The following PDZD2 variants were observed in gnomAD, a reference collection of about 807,000 sequenced individuals.
PDZD2 encodes the protein PDZ domain-containing protein 2.
A neutral mutation model predicts 220.7 loss-of-function variants in PDZD2; 90 were observed. The observed-to-expected ratio is 0.41, with a 90% confidence interval of 0.34 to 0.49. The LOEUF is 0.49. Ranked by LOEUF, PDZD2 falls within the 20% of genes least tolerant of loss-of-function variation. The pLI is 0.28. For missense variants in PDZD2, 3,174 were observed against 3,608.5 expected, an observed-to-expected ratio of 0.88 and a Z score of 3.08; for synonymous variants, 1,375 against 1,450.5, an observed-to-expected ratio of 0.95 and a Z score of 1.18.
rs1738224148 is a variant in PDZD2, at chr5:32,048,709, T to C, written c.1665+25T>C. Reference sequence around the variant, plus strand: ...GGTCCGACCAGGGCTGTGGATCTTTTCAAAGACCATAAGGGCTTACATGTT... The same window carrying C: ...GGTCCGACCAGGGCTGTGGATCTTTCCAAAGACCATAAGGGCTTACATGTT... On this transcript the variant is annotated intron_variant, in intron 8 of 24. Coordinates refer to ENST00000438447, the MANE Select transcript of PDZD2 (RefSeq NM_178140.4). The C allele has an allele frequency of 1.9e-6, 3 of 1,612,524 alleles. No individual in the cohort carries two copies. The South Asian group carries it at 3.3e-5, about 18-fold the overall frequency.
At chr5:31,725,774 C>T (rs1421220493) in intron 1 of PDZD2, 8 of 960,168 alleles carry the variant, frequency 8.3e-6, no homozygotes, top group Admixed American at 5.4e-5. Flanking sequence ...GGACTTGGAC[C>T]GTGATCTTGA....
rs537087681 is a variant in PDZD2, at chr5:31,791,357, G to A, written c.-360-7532G>A. Among the ~76,000 whole-genome samples, 24 of 152,008 alleles carry A rather than the reference G, an allele frequency of 1.6e-4. No homozygotes were observed. The South Asian group carries it at 3.5e-3, about 22-fold the overall frequency. On this transcript the variant is annotated intron_variant, in intron 1 of 24. Coordinates refer to ENST00000438447, the MANE Select transcript of PDZD2 (RefSeq NM_178140.4). ...TGTAATCCCAGCACTTTGGGAGGCC[G>A]ACGCGGGCAGATCACCTGAGGTCAG...
chr5:31,644,750 G>T (rs922594128), intron 1 of PDZD2, among the ~76,000 whole-genome samples: 4 of 152,092 alleles, frequency 2.6e-5, no homozygotes, highest in African/African-American at 9.7e-5. Flanking sequence ...AATAATGAGT[G>T]GTCTATGAAC....
intron 1 of PDZD2, among the ~76,000 whole-genome samples, chr5:31,658,055 C>G (rs762457026): frequency 6.6e-6 from 1 of 152,228 alleles, no homozygotes; most frequent in Non-Finnish European, 1.5e-5. Flanking sequence ...CCCCTATGTG[C>G]TAGCTGCTAA....
chr5:31,892,015 A>G (rs1399817587), intron 2 of PDZD2, among the ~76,000 whole-genome samples: 2 of 151,984 alleles, frequency 1.3e-5, no homozygotes, highest in African/African-American at 4.8e-5. Context: ...GGCTCTGACA[A>G]TCCTTCTGCC....
chr5:31,951,179 A>G (rs1223539454), intron 2 of PDZD2, among the ~76,000 whole-genome samples: 1 of 151,900 alleles, frequency 6.6e-6, no homozygotes, highest in Non-Finnish European at 1.5e-5. Context: ...TGATCCTCCC[A>G]CCCACAGCCT....
chr5:31,886,400 T>C (rs1740476589), intron 2 of PDZD2, among the ~76,000 whole-genome samples: 1 of 152,072 alleles, frequency 6.6e-6, no homozygotes, highest in East Asian at 1.9e-4. Context: ...CACTCCTTCT[T>C]CCTCCCAGCT....
At chr5:31,723,544 A>G (rs1483867065) in intron 1 of PDZD2, among the ~76,000 whole-genome samples, 2 of 152,122 alleles carry the variant, frequency 1.3e-5, no homozygotes, top group Admixed American at 1.3e-4. Context: ...ATTATTTTAA[A>G]TTTCATAGCA....
intron 2 of PDZD2, among the ~76,000 whole-genome samples, chr5:31,897,525 C>T (rs952147891): frequency 1.3e-5 from 2 of 152,190 alleles, no homozygotes; most frequent in Non-Finnish European, 2.9e-5. Context: ...CTTGAGATCC[C>T]AGTTGTCACT....
At chr5:31,922,166 A>T (rs34955361) in intron 2 of PDZD2, among the ~76,000 whole-genome samples, 27,090 of 152,138 alleles carry the variant, frequency 0.18, 2,450 homozygotes, top group Non-Finnish European at 0.19. Flanking sequence ...TCCATATATG[A>T]CCCAACTTCC....
chr5:31,839,745 G>A (rs764303653), intron 2 of PDZD2, among the ~76,000 whole-genome samples: 6 of 152,134 alleles, frequency 3.9e-5, no homozygotes, highest in Non-Finnish European at 5.9e-5. Flanking sequence ...ATCCCCATGC[G>A]GAGTGGGAGG....
Position 32,069,623 on chromosome 5 carries a change from A to G in PDZD2, c.2506A>G (p.Lys836Glu). Reference sequence around the variant, plus strand: ...AGCACGCAGCACTTATCAGGAGAGCAAAGAGGCCAATTCCTCTCCTGGCTT... The same window carrying G: ...AGCACGCAGCACTTATCAGGAGAGCGAAGAGGCCAATTCCTCTCCTGGCTT... ...VIARSTYQES[K>E]EANSSPGLGT... is the part of the protein sequence containing the mutation. The change falls in exon 15 of 25, where the codon AAA becomes GAA. Residue 836 changes from lysine to glutamate, a missense_variant. This residue lies in a region of PDZD2 where 1,861 missense variants were observed against 2,001.0 expected (regional missense o/e 0.93). Transcript: ENST00000438447. 6.3e-7 allele frequency: 1 copy of G among 1,580,716 alleles called. No homozygotes were observed. The highest frequency in any genetic ancestry group is 8.7e-7 in the Non-Finnish European group (1 of 1,149,468).
chr5:32,053,987 G>A (rs1382644783), intron 10 of PDZD2, 104 bp downstream of exon 10: 4 of 680,094 alleles, frequency 5.9e-6, no homozygotes, highest in Non-Finnish European at 5.4e-6. Context: ...AGTAGACCTC[G>A]GCGGAATCTG....
At chr5:31,832,622 T>C (rs13356755) in intron 2 of PDZD2, 62,313 of 152,022 alleles carry the variant, frequency 0.41, 13,479 homozygotes, top group African/African-American at 0.56. Flanking sequence ...TTGAGACCAG[T>C]CTGGCCAACA....
intron 1 of PDZD2, among the ~76,000 whole-genome samples, chr5:31,643,298 G>A (rs998845239): frequency 6.6e-6 from 1 of 152,184 alleles, no homozygotes; most frequent in African/African-American, 2.4e-5. Context: ...ACTACTCTGA[G>A]CAGTTGGGTC....
At chr5:32,077,328 T>C (rs1274341886) in intron 18 of PDZD2, 134 bp from the exon 19 acceptor site, 1 of 792,522 alleles carries the variant, frequency 1.3e-6, no homozygotes. Context: ...ACCCACAATC[T>C]GGATCTGCTG....
chr5:31,801,665 G>T (rs13153009), intron 2 of PDZD2, among the ~76,000 whole-genome samples: 55,210 of 152,002 alleles, frequency 0.36, 10,517 homozygotes, highest in Middle Eastern at 0.4. Flanking sequence ...TTACTAGCTG[G>T]TTGATCTTGG....
At chr5:31,761,732 G>A (rs1181667859) in intron 1 of PDZD2, among the ~76,000 whole-genome samples, 1 of 151,722 alleles carries the variant, frequency 6.6e-6, no homozygotes, top group South Asian at 2.1e-4. Context: ...ATGGTAGTGG[G>A]TGCCTGTAAT....
chr5:31,718,622 T>G (rs1748595371), intron 1 of PDZD2, among the ~76,000 whole-genome samples: 1 of 151,992 alleles, frequency 6.6e-6, no homozygotes, highest in Non-Finnish European at 1.5e-5. Context: ...CTGGTATCTC[T>G]CTCTGTGTCC....
Sources: gnomAD v4.1 joint callset for allele counts (sites outside exome capture counted in the v4.1 genomes callset) on GRCh38, gnomAD v4.1.1 for gene constraint, gnomAD v4.1.1 regional missense constraint, MANE v1.5 for transcripts, NCBI Gene and HGNC (gene_info 2026-07-23, HGNC 2026-07-21) for gene names.